Variants in C1QTNF7 observed in about 807,000 individuals in gnomAD.
C1QTNF7 encodes the protein complement C1q tumor necrosis factor-related protein 7.
A neutral mutation model predicts 19.6 loss-of-function variants in C1QTNF7; 15 were observed. The observed-to-expected ratio is 0.76, with a 90% CI of 0.51 to 1.18. The LOEUF (loss-of-function observed/expected upper bound fraction) is 1.18. Among genes scored for constraint, C1QTNF7 ranks in the 50% most tolerant of loss-of-function variants. The pLI is 0.00. For missense variants in C1QTNF7, 324 were observed against 359.7 expected (o/e 0.90, Z 0.80); for synonymous variants, 142 against 137.5 (o/e 1.03, Z -0.23).
chr4:15,384,034 T>A (rs551660455), intron 1 of C1QTNF7, among the ~76,000 whole-genome samples: 1 of 152,306 alleles, frequency 6.6e-6, no homozygotes, highest in African/African-American at 2.4e-5. Flanking sequence ...GAGGACTTGG[T>A]CTTGAACAAG....
At chr4:15,409,027 T>G (rs1719306201) in intron 1 of C1QTNF7, among the ~76,000 whole-genome samples, 1 of 152,190 alleles carries the variant, frequency 6.6e-6, no homozygotes, top group Non-Finnish European at 1.5e-5. Context: ...AAGTCCAACG[T>G]TCCTTCCAGT....
intron 1 of C1QTNF7, among the ~76,000 whole-genome samples, chr4:15,346,707 A>G (rs1467267258): frequency 6.6e-6 from 1 of 152,126 alleles, no homozygotes; most frequent in African/African-American, 2.4e-5. Context: ...AGAATTACCA[A>G]CCCATTTCAT....
At chr4:15,370,675 T>G (rs1022691805) in intron 1 of C1QTNF7, among the ~76,000 whole-genome samples, 1 of 152,226 alleles carries the variant, frequency 6.6e-6, no homozygotes. Flanking sequence ...AACTTTAGGT[T>G]TATAAATAAA....
chr4:15,393,591 G>T (rs1285744268), intron 1 of C1QTNF7, among the ~76,000 whole-genome samples: 2 of 152,138 alleles, frequency 1.3e-5, no homozygotes, highest in African/African-American at 4.8e-5. Flanking sequence ...CCTTTAACAG[G>T]CTTCCCTGGA....
chr4:15,409,412 T>C (rs551390465), intron 1 of C1QTNF7, among the ~76,000 whole-genome samples: 3 of 152,240 alleles, frequency 2.0e-5, no homozygotes, highest in Non-Finnish European at 2.9e-5. Context: ...TATCTATCTG[T>C]ATTTATTTAG....
intron 1 of C1QTNF7, among the ~76,000 whole-genome samples, chr4:15,420,826 CTTTTTTTTT>C (rs61609914): frequency 1.7e-4 from 11 of 66,244 alleles, no homozygotes; most frequent in African/African-American, 6.8e-4. Flanking sequence ...ACTGCTTTGT[CTTTTTTTTT>C]TTTTTTTTTT....
rs57772932 is a variant in C1QTNF7 at position 15,361,007 on chromosome 4, C to T, written c.13+20800C>T. On this transcript the variant is annotated intron_variant, in intron 1 of 2. Coordinates refer to the C1QTNF7 transcript ENST00000295297. ...TGATTGAATTTAAGGATTTTCTCTT[C>T]CTCATCTATTATCTTCTATGATAAG... 7.8e-3 allele frequency among the ~76,000 whole-genome samples: 1,190 copies of T among 152,234 alleles called. 19 individuals carry two copies. Among genetic ancestry groups the T allele is most frequent in the African/African-American group, 0.027 (1,134 of 41,564 alleles).
intron 1 of C1QTNF7, among the ~76,000 whole-genome samples, chr4:15,357,905 G>A (rs780743150): frequency 2.0e-4 from 30 of 152,140 alleles, no homozygotes; most frequent in Non-Finnish European, 4.1e-4. Flanking sequence ...TGGTATATAG[G>A]AATGCATGTA....
chr4:15,374,575 T>TCC, intron 1 of C1QTNF7: 1 of 985,368 alleles, frequency 1.0e-6, no homozygotes, highest in South Asian at 4.7e-5. Context: ...CCTTGCCCGC[T>TCC]CCCTCTCTCT....
intron 1 of C1QTNF7, among the ~76,000 whole-genome samples, chr4:15,385,754 C>G (rs1718310893): frequency 2.0e-5 from 3 of 152,292 alleles, no homozygotes; most frequent in Middle Eastern, 3.4e-3. Flanking sequence ...TATACTATCC[C>G]CACTCCAGTT....
At chr4:15,430,716 T>C (rs1163444853) in intron 1 of C1QTNF7, among the ~76,000 whole-genome samples, 1 of 152,210 alleles carries the variant, frequency 6.6e-6, no homozygotes, top group Non-Finnish European at 1.5e-5. Flanking sequence ...TCAAGTTCAC[T>C]GCAAGGCAGT....
intron 1 of C1QTNF7, among the ~76,000 whole-genome samples, chr4:15,416,372 A>C (rs948853989): frequency 4.6e-5 from 7 of 152,238 alleles, no homozygotes; most frequent in Non-Finnish European, 1.0e-4. Context: ...GGGTTGGAAT[A>C]CCAGCTCGGT....
chr4:15,371,877 G>A (rs1415146351), intron 1 of C1QTNF7, among the ~76,000 whole-genome samples: 3 of 152,078 alleles, frequency 2.0e-5, no homozygotes, highest in Non-Finnish European at 4.4e-5. Context: ...TCCTTCTCAT[G>A]GTGCTCTGGG....
intron 1 of C1QTNF7, among the ~76,000 whole-genome samples, chr4:15,380,384 A>C (rs1056598414): frequency 4.1e-4 from 18 of 44,320 alleles, no homozygotes; most frequent in Non-Finnish European, 6.5e-4. Context: ...ATTCCTTCTC[A>C]CTAATGCTAG....
At chr4:15,427,942 A>T, upstream of C1QTNF7, 1 of 810,208 alleles carries the variant, frequency 1.2e-6, no homozygotes, top group Non-Finnish European at 1.5e-6. Context: ...GCTCTTTGGG[A>T]CTAAACGAGA....
chr4:15,429,457 A>T (rs1450530903), intron 1 of C1QTNF7, among the ~76,000 whole-genome samples: 2 of 152,196 alleles, frequency 1.3e-5, no homozygotes, highest in Non-Finnish European at 2.9e-5. Flanking sequence ...TGACTACTCT[A>T]GGAACTTTGT....
intron 1 of C1QTNF7, among the ~76,000 whole-genome samples, chr4:15,390,885 C>G (rs1448781124): frequency 6.6e-6 from 1 of 152,172 alleles, no homozygotes; most frequent in East Asian, 1.9e-4. Flanking sequence ...CCAGCTTGCT[C>G]ATGAAAACAG....
At chr4:15,433,784 G>C (rs2108936843) in intron 1 of C1QTNF7, among the ~76,000 whole-genome samples, 1 of 152,272 alleles carries the variant, frequency 6.6e-6, no homozygotes, top group Admixed American at 6.5e-5. Flanking sequence ...GTCCCAGAAA[G>C]GTGGCCCCCT....
intron 1 of C1QTNF7, among the ~76,000 whole-genome samples, chr4:15,357,128 T>C (rs918936854): frequency 1.3e-5 from 2 of 152,206 alleles, no homozygotes; most frequent in Non-Finnish European, 2.9e-5. Flanking sequence ...ATTTTGGCTT[T>C]TGTTACCATT....
Sources: gnomAD v4.1 joint callset for allele counts (sites outside exome capture counted in the v4.1 genomes callset) on GRCh38, gnomAD v4.1.1 for gene constraint, MANE v1.5 for transcripts, NCBI Gene and HGNC (gene_info 2026-07-23, HGNC 2026-07-21) for gene names.